The following SLC36A1 variants were observed in gnomAD, a reference collection of about 807,000 sequenced individuals.
SLC36A1 encodes the protein solute carrier family 36 member 1.
In SLC36A1, 30 loss-of-function variants were observed where a neutral mutation model predicts 47.5. The observed-to-expected ratio is 0.63, with a 90% CI of 0.47 to 0.86. The LOEUF (loss-of-function observed/expected upper bound fraction) is 0.86, where lower values mean the gene tolerates loss of function less well. SLC36A1 is among the 40% of genes least tolerant of loss of function. The pLI, the probability that SLC36A1 is intolerant of heterozygous loss-of-function variation, is 0.00. For synonymous variants in SLC36A1, 255 were observed against 249.7 expected (o/e 1.02, Z -0.20); for missense variants, 517 against 606.0 (o/e 0.85, Z 1.54).
At chr5:151,554,876 G>T in the SLC36A1 span, among the ~76,000 whole-genome samples, 11 of 152,358 alleles carry the variant, frequency 7.2e-5, no homozygotes, top group East Asian at 2.1e-3. Context: ...GAAGCAGAAA[G>T]AACTGGAAGA....
the SLC36A1 span, among the ~76,000 whole-genome samples, chr5:151,370,669 A>G: frequency 2.6e-5 from 4 of 152,292 alleles, no homozygotes; most frequent in African/African-American, 9.6e-5. Flanking sequence ...CTTACTCAAT[A>G]TCAACTTGCT....
chr5:151,518,807 T>C, the SLC36A1 span, among the ~76,000 whole-genome samples: 4 of 152,204 alleles, frequency 2.6e-5, no homozygotes, highest in African/African-American at 9.7e-5. Flanking sequence ...AGCATTCTGT[T>C]GAACCCCCTT....
the SLC36A1 span, among the ~76,000 whole-genome samples, chr5:151,538,181 T>G: frequency 6.6e-6 from 1 of 151,976 alleles, no homozygotes; most frequent in Admixed American, 6.6e-5. Flanking sequence ...AACTGAGGTT[T>G]AAAACAGGAA....
chr5:151,550,400 G>A, the SLC36A1 span, among the ~76,000 whole-genome samples: 5 of 152,148 alleles, frequency 3.3e-5, no homozygotes, highest in Admixed American at 6.5e-5. Context: ...CTTGGCAGCC[G>A]TCCCATCTCT....
At chr5:151,395,293 G>A in the SLC36A1 span, among the ~76,000 whole-genome samples, 1 of 152,182 alleles carries the variant, frequency 6.6e-6, no homozygotes, top group Admixed American at 6.5e-5. Context: ...AATTTTCCAG[G>A]TGCCGTCTGT....
At chr5:151,409,305 G>T in the SLC36A1 span, among the ~76,000 whole-genome samples, 4 of 152,058 alleles carry the variant, frequency 2.6e-5, no homozygotes, top group Non-Finnish European at 4.4e-5. Flanking sequence ...ATCTGGTTGG[G>T]GTGGGGGGGA....
the SLC36A1 span, chr5:151,553,060 G>C: frequency 1.0e-6 from 1 of 983,436 alleles, no homozygotes. Context: ...GGCTGAAAGA[G>C]GGGCTGCCGA....
upstream of SLC36A1, among the ~76,000 whole-genome samples, chr5:151,444,402 T>C (rs867425794): frequency 2.5e-4 from 38 of 152,226 alleles, no homozygotes; most frequent in African/African-American, 8.7e-4. Context: ...AAATTGATTA[T>C]TGAGTATTTT....
intron 1 of SLC36A1, among the ~76,000 whole-genome samples, chr5:151,438,770 T>A (rs1013209916): frequency 6.6e-6 from 1 of 152,210 alleles, no homozygotes; most frequent in Admixed American, 6.5e-5. Flanking sequence ...AGACCTGGCA[T>A]TGGTGGCAGA....
chr5:151,379,157 T>TTAAG, the SLC36A1 span, among the ~76,000 whole-genome samples: 6 of 152,160 alleles, frequency 3.9e-5, no homozygotes, highest in African/African-American at 1.4e-4. Flanking sequence ...TATAGTCTCC[T>TTAAG]CAATGGTGGC....
the SLC36A1 span, chr5:151,505,707 C>G: frequency 6.2e-7 from 1 of 1,614,048 alleles, no homozygotes; most frequent in East Asian, 2.2e-5. Context: ...CCCAGCTCGG[C>G]TGAGGCGCAT....
chr5:151,517,708 C>G, the SLC36A1 span: 2 of 1,614,146 alleles, frequency 1.2e-6, no homozygotes, highest in South Asian at 2.2e-5. Context: ...GTGCCAGTTC[C>G]GAGCCGCTGG....
the SLC36A1 span, chr5:151,517,595 A>G: frequency 6.2e-7 from 1 of 1,613,078 alleles, no homozygotes; most frequent in South Asian, 1.1e-5. Context: ...CCCACATGAA[A>G]TCTCTCAGGC....
chr5:151,467,210 A>G lies in SLC36A1; in HGVS notation c.431A>G (p.Asp144Gly). 1 of 1,611,880 alleles carries G rather than the reference A, an allele frequency of 6.2e-7. No individual in the cohort carries two copies. The change falls in exon 6 of 11, where the codon GAC becomes GGC. Residue 144 changes from aspartate (D) to glycine (G), a missense_variant. Asp to Gly is a moderately conservative substitution (Grantham distance 94). Coordinates refer to ENST00000243389, the MANE Select transcript of SLC36A1 (RefSeq NM_078483.4). ...NHAHWGRRVV[D>G]FFLIVTQLGF... ...TTCCCCACCTCCAGACGTGTTGTGG[A>G]CTTCTTCCTGATTGTCACCCAGCTG...
the SLC36A1 span, among the ~76,000 whole-genome samples, chr5:151,554,129 C>G: frequency 1.3e-5 from 2 of 152,228 alleles, no homozygotes; most frequent in Non-Finnish European, 2.9e-5. Context: ...AAATCCTTCT[C>G]TCTAAGAATA....
the SLC36A1 span, among the ~76,000 whole-genome samples, chr5:151,354,757 A>T: frequency 2.0e-5 from 3 of 152,114 alleles, no homozygotes; most frequent in Non-Finnish European, 4.4e-5. Context: ...TGTTGTCTAG[A>T]TTGGAACCCC....
intron 2 of SLC36A1, among the ~76,000 whole-genome samples, chr5:151,460,240 C>T (rs1397827706): frequency 6.6e-6 from 1 of 152,078 alleles, no homozygotes; most frequent in Non-Finnish European, 1.5e-5. Flanking sequence ...TTCTAAGCTT[C>T]CTTCTCTGTA....
upstream of SLC36A1, among the ~76,000 whole-genome samples, chr5:151,432,385 T>C (rs1279069773): frequency 6.6e-6 from 1 of 152,064 alleles, no homozygotes; most frequent in Admixed American, 6.6e-5. Flanking sequence ...ACCTTCTTGC[T>C]CCCACTCAAA....
At chr5:151,543,581 T>A in the SLC36A1 span, 1 of 1,614,226 alleles carries the variant, frequency 6.2e-7, no homozygotes, top group Non-Finnish European at 8.5e-7. Context: ...GTATAATCTA[T>A]AGTGCCATAG....
Sources: allele counts gnomAD v4.1 joint callset (sites outside exome capture counted in the v4.1 genomes callset), GRCh38; gene constraint gnomAD v4.1.1; transcripts MANE v1.5; gene names NCBI Gene and HGNC (gene_info 2026-07-23, HGNC 2026-07-21).